The following TRIM66 variants were observed in gnomAD, a reference collection of about 807,000 sequenced individuals.
TRIM66 encodes the protein tripartite motif containing 66, also known as tripartite motif-containing protein 66.
A neutral mutation model predicts 148.2 loss-of-function variants in TRIM66; 99 were observed. The ratio of observed to expected loss-of-function variants is 0.67; its 90% CI spans 0.57 to 0.79. The LOEUF (loss-of-function observed/expected upper bound fraction) is 0.79, where lower values mean the gene tolerates loss of function less well. Among genes scored for constraint, TRIM66 ranks in the 30% least tolerant of loss-of-function variants. The probability of loss-of-function intolerance (pLI) is 0.00; values close to 1 mark genes in which losing one functional copy is unlikely to be tolerated. For synonymous variants in TRIM66, 616 were observed against 635.9 expected, an observed-to-expected ratio of 0.97 and a Z score of 0.47; for missense variants, 1,666 against 1,697.9, an observed-to-expected ratio of 0.98 and a Z score of 0.33.
At chr11:8,639,943 G>C (rs115339741) in intron 14 of TRIM66, among the ~76,000 whole-genome samples, 2 of 152,106 alleles carry the variant, frequency 1.3e-5, no homozygotes, top group African/African-American at 4.8e-5. Context: ...AGGTACCATC[G>C]GTGGGCAGGG....
upstream of TRIM66, chr11:8,683,171 T>G (rs142988643): frequency 1.4e-3 from 2,272 of 1,611,394 alleles, 6 homozygotes; most frequent in South Asian, 2.1e-3. Flanking sequence ...CCTAATTCCT[T>G]AGGCCTTACC....
intron 6 of TRIM66, among the ~76,000 whole-genome samples, chr11:8,660,290 A>G (rs2038156341): frequency 6.6e-6 from 1 of 152,068 alleles, no homozygotes; most frequent in Non-Finnish European, 1.5e-5. Context: ...TCCTGTTTCT[A>G]ATATTTGCCT....
Position 8,625,052 on chromosome 11 carries a change from C to G in TRIM66, c.2487G>C (p.Leu829=). 6.4e-7 allele frequency: 1 copy of G among 1,551,748 alleles called. No homozygotes were observed. Among genetic ancestry groups the G allele is most frequent in the Non-Finnish European group, 8.7e-7 (1 of 1,147,016 alleles). ...GCATGGCCTGGTTTTGAACACTTGT[C>G]AGGCTGGACACCATTTTGGGGGGAG... ...LSAPPKMVSS[L]TSVQNQAMPS... Residue 829 remains leucine, a synonymous_variant, in exon 16 of 25, where the codon CTG becomes CTC. Transcript: ENST00000646038.
At chr11:8,661,049 C>T (rs1207043614) in intron 6 of TRIM66, among the ~76,000 whole-genome samples, 1 of 152,126 alleles carries the variant, frequency 6.6e-6, no homozygotes, top group Non-Finnish European at 1.5e-5. Context: ...AAGTGTAGTC[C>T]CGGAGTCAGA....
At chr11:8,642,598 G>A (rs2036493478) in intron 13 of TRIM66, among the ~76,000 whole-genome samples, 1 of 152,092 alleles carries the variant, frequency 6.6e-6, no homozygotes, top group African/African-American at 2.4e-5. Flanking sequence ...CAGTCTCACT[G>A]TTGCTGAGAT....
Position 8,617,960 on chromosome 11 carries a change from C to A in TRIM66, c.4163G>T (p.Ser1388Ile), listed in dbSNP as rs1219234407. The change falls in exon 25 of 25, where the codon AGC becomes ATC. Residue 1388 changes from serine (S) to isoleucine (I), a missense_variant. By Grantham distance (142) the Ser-to-Ile change is moderately radical. Coordinates refer to ENST00000646038, the MANE Select transcript of TRIM66 (RefSeq NM_001388022.1). ...AKRMSFRLAN[S>I]ISQV is the part of the protein sequence containing the mutation. ...TTTTGGCTCTCACACCTGAGAGATGCTGTTGGCCAGGCGAAATGACATTCT... is the reference window on the plus strand; with the variant it reads ...TTTTGGCTCTCACACCTGAGAGATGATGTTGGCCAGGCGAAATGACATTCT... 1 of 1,551,592 alleles carries A rather than the reference C, an allele frequency of 6.4e-7. No individual in the cohort carries two copies. Among genetic ancestry groups the A allele is most frequent in the African/African-American group, 1.4e-5 (1 of 73,046 alleles).
In TRIM66 at chr11:8,672,358, C is replaced by G; in HGVS notation, c.-84G>C. 1 of 1,526,350 alleles carries G rather than the reference C, an allele frequency of 6.6e-7. No individual in the cohort carries two copies. Among genetic ancestry groups the G allele is most frequent in the Admixed American group, 2.1e-5 (1 of 48,316 alleles). 94.6% of individuals were successfully genotyped at this position (1,526,350 alleles called of 1,614,324 possible). On this transcript the variant is annotated 5_prime_UTR_variant, in exon 5 of 25. Transcript: ENST00000646038. The stretch of plus-strand genomic sequence containing the variant: ...CCTTCAAAAGTGTCCCGTACCTGTG[C>G]CTCTCCTTATTGGTAGACAAGCTTG...
rs1415158367 is a variant in TRIM66, at chr11:8,613,380, AG to A, written c.*4563del. The A allele has an allele frequency of 6.6e-6, 1 of 152,236 alleles. No individual in the cohort carries two copies. The highest frequency in any genetic ancestry group is 2.4e-5 in the African/African-American group (1 of 41,434). The allele number at this position is 152,236 out of a possible 1,614,324, so 9.4% of individuals were successfully genotyped here. ...TGGTGGGTGGTGTGAAATGCTGCGG[AG>A]AGGTCAAGACAGCTGAGCACTGAAA... On this transcript the variant is annotated 3_prime_UTR_variant, in exon 25 of 25. Coordinates refer to ENST00000646038, the MANE Select transcript of TRIM66 (RefSeq NM_001388022.1).
intron 13 of TRIM66, 134 bp downstream of exon 13, chr11:8,642,875 C>T: frequency 8.6e-6 from 2 of 232,236 alleles, no homozygotes; most frequent in South Asian, 1.7e-4. Context: ...AAAAGGTTTG[C>T]TGAATGATTC....
intron 6 of TRIM66, among the ~76,000 whole-genome samples, chr11:8,670,517 G>C (rs917441270): frequency 1.3e-5 from 2 of 152,096 alleles, no homozygotes; most frequent in Admixed American, 6.5e-5. Flanking sequence ...TTAACTCACT[G>C]GATTTTCAAG....
At chr11:8,682,833 T>A, upstream of TRIM66, 1 of 1,610,790 alleles carries the variant, frequency 6.2e-7, no homozygotes, top group Non-Finnish European at 8.5e-7. Context: ...GTTTCGTTTC[T>A]TGCCTCCTCT....
At chr11:8,659,144 C>T (rs917179138) in intron 6 of TRIM66, among the ~76,000 whole-genome samples, 4 of 151,980 alleles carry the variant, frequency 2.6e-5, no homozygotes, top group African/African-American at 7.3e-5. Flanking sequence ...ACAGAGCAAC[C>T]AGATGAGGGG....
intron 6 of TRIM66, 61 bp from the exon 7 acceptor site, chr11:8,651,964 G>A (rs969005639): frequency 6.6e-6 from 9 of 1,356,816 alleles, no homozygotes; most frequent in Non-Finnish European, 9.1e-6. Flanking sequence ...CTAAGGCCTG[G>A]ACATAAGGCT....
chr11:8,656,154 A>T (rs1433055194), intron 6 of TRIM66, among the ~76,000 whole-genome samples: 3 of 152,256 alleles, frequency 2.0e-5, no homozygotes, highest in Non-Finnish European at 4.4e-5. Flanking sequence ...TTATTTTTAA[A>T]GAGATTCTCC....
At chr11:8,682,921 G>C, upstream of TRIM66, 1 of 1,412,836 alleles carries the variant, frequency 7.1e-7, no homozygotes. Context: ...GGGGCTTCCA[G>C]GCTGCGCATG....
At chr11:8,658,676 T>G (rs778540023) in intron 6 of TRIM66, 140 of 730,800 alleles carry the variant, frequency 1.9e-4, no homozygotes, top group Non-Finnish European at 2.2e-4. Context: ...AGAGCTCAAG[T>G]TGACACACTC....
chr11:8,671,122 A>T (rs1354102643), intron 6 of TRIM66, among the ~76,000 whole-genome samples: 2 of 152,272 alleles, frequency 1.3e-5, no homozygotes, highest in African/African-American at 2.4e-5. Context: ...CTTGGGAAAT[A>T]CTGCAGAGAA....
In TRIM66 at chr11:8,620,517, C is replaced by G. The variant is rs746334778; in HGVS notation, c.3601G>C (p.Asp1201His). Residue 1201 changes from aspartate to histidine, a missense_variant, in exon 21 of 25, where the codon GAC (aspartate) becomes CAC (histidine). Asp to His is a moderately conservative substitution (Grantham distance 81). This residue lies in a region of TRIM66 where 31 missense variants were observed against 54.4 expected (regional missense o/e 0.57). Coordinates refer to ENST00000646038, the MANE Select transcript of TRIM66 (RefSeq NM_001388022.1). ...RSLTQPEMEY[D>H]CENACYNQPG... ...TGGTTATAGCAGGCATTCTCACAGTCGTACTCCATCTCGGGCTGGGTCAGG... is the reference window on the plus strand; with the variant it reads ...TGGTTATAGCAGGCATTCTCACAGTGGTACTCCATCTCGGGCTGGGTCAGG... 2.6e-6 allele frequency: 4 copies of G among 1,551,670 alleles called. No individual in the cohort carries two copies. In the African/African-American group the frequency reaches 5.5e-5, roughly 21 times the overall value.
rs753993943 is a variant in TRIM66 at position 8,621,073 on chromosome 11, G to C, written c.3504C>G (p.Phe1168Leu). The C allele has an allele frequency of 6.4e-7, 1 of 1,551,708 alleles. No homozygotes were observed. The highest frequency in any genetic ancestry group is 8.7e-7 in the Non-Finnish European group (1 of 1,146,974). The change falls in exon 20 of 25, where the codon TTC becomes TTG. Residue 1168 changes from phenylalanine (F) to leucine (L), a missense_variant. Transcript: ENST00000646038. ...AGGCTGGCACATGGCAGGAGAGGTG[G>C]AACACTTTGGGGCAGCGGTCACAGC... is the stretch of plus-strand genomic sequence containing the variant. Reference protein sequence around the residue: ...LLCCDRCPKVFHLSCHVPALL... With the variant: ...LLCCDRCPKVLHLSCHVPALL...
Sources: allele counts gnomAD v4.1 joint callset (sites outside exome capture counted in the v4.1 genomes callset), GRCh38; gene constraint gnomAD v4.1.1; regional missense constraint gnomAD v4.1.1; transcripts MANE v1.5; gene names NCBI Gene and HGNC (gene_info 2026-07-23, HGNC 2026-07-21).